LPCAT2: variants seen among roughly 807,000 people sequenced by gnomAD.
LPCAT2 encodes lysophosphatidylcholine acyltransferase 2.
In LPCAT2, 58 loss-of-function variants were observed where a neutral mutation model predicts 64.7. That is an observed-to-expected ratio of 0.90 (90% CI 0.73 to 1.12). LPCAT2 has a LOEUF of 1.12. Ranked by LOEUF, LPCAT2 falls within the 50% of genes most tolerant of loss-of-function variation. LPCAT2 has a pLI of 0.00. For missense variants in LPCAT2, 579 were observed against 669.8 expected, an observed-to-expected ratio of 0.86 and a Z score of 1.50; for synonymous variants, 252 against 245.3, an observed-to-expected ratio of 1.03 and a Z score of -0.26.
chr16:55,563,971 T>C (rs1486988806), intron 11 of LPCAT2, among the ~76,000 whole-genome samples: 2 of 151,768 alleles, frequency 1.3e-5, no homozygotes, highest in Non-Finnish European at 3.0e-5. Flanking sequence ...CCCTCACACA[T>C]ACAAAACACA....
intron 11 of LPCAT2, among the ~76,000 whole-genome samples, chr16:55,556,499 C>G (rs369837561): frequency 6.6e-6 from 1 of 152,124 alleles, no homozygotes; most frequent in Non-Finnish European, 1.5e-5. Context: ...ACACCAGGGC[C>G]GGGCGCGGTG....
chr16:55,515,645 A>G (rs1963000175), intron 1 of LPCAT2, among the ~76,000 whole-genome samples: 1 of 152,234 alleles, frequency 6.6e-6, no homozygotes, highest in South Asian at 2.1e-4. Context: ...CATCTACATA[A>G]AGCAATAATT....
Position 55,574,624 on chromosome 16 carries a change from T to C in LPCAT2, c.1216-7T>C. 6.2e-7 allele frequency: 1 copy of C among 1,603,788 alleles called. No individual in the cohort carries two copies. The highest frequency in any genetic ancestry group is 8.5e-7 in the Non-Finnish European group (1 of 1,170,824). ...CCTCCTAATTGATTTATCCCATCCT[T>C]TCACAGAACCATGATGGCAGCATTG... On this transcript the variant is annotated splice_polypyrimidine_tract_variant and splice_region_variant and intron_variant, in intron 11 of 13. Coordinates refer to ENST00000262134, the MANE Select transcript of LPCAT2 (RefSeq NM_017839.5).
At chr16:55,564,199 G>A (rs1265204612) in intron 11 of LPCAT2, among the ~76,000 whole-genome samples, 1 of 151,902 alleles carries the variant, frequency 6.6e-6, no homozygotes, top group Admixed American at 6.6e-5. Context: ...GAAAGAAATT[G>A]AAGAAGAGAC....
chr16:55,535,360 T>C (rs533578410), intron 7 of LPCAT2, among the ~76,000 whole-genome samples: 1 of 152,318 alleles, frequency 6.6e-6, no homozygotes, highest in African/African-American at 2.4e-5. Flanking sequence ...AACTGCATAA[T>C]TTCTCCATTT....
chr16:55,516,279 A>AT (rs34800166), intron 1 of LPCAT2, among the ~76,000 whole-genome samples: 53,518 of 151,780 alleles, frequency 0.35, 11,368 homozygotes, highest in Non-Finnish European at 0.47. Flanking sequence ...AAATTTTTGT[A>AT]TTTTTTATAG....
At chr16:55,579,548 C>A (rs1308517766) in intron 13 of LPCAT2, among the ~76,000 whole-genome samples, 1 of 152,104 alleles carries the variant, frequency 6.6e-6, no homozygotes, top group Non-Finnish European at 1.5e-5. Context: ...CTTTAAGTAA[C>A]TTATCTAAGA....
intron 10 of LPCAT2, among the ~76,000 whole-genome samples, chr16:55,549,803 C>A (rs1262532020): frequency 6.6e-6 from 1 of 152,126 alleles, no homozygotes; most frequent in Admixed American, 6.5e-5. Flanking sequence ...CAATTCTTAC[C>A]ACCACTGAAC....
At chr16:55,560,644 C>T (rs1387812341) in intron 11 of LPCAT2, among the ~76,000 whole-genome samples, 3 of 152,048 alleles carry the variant, frequency 2.0e-5, no homozygotes, top group African/African-American at 4.8e-5. Flanking sequence ...GCTAAACAGA[C>T]CTTTGGGTAT....
chr16:55,532,797 C>T lies in LPCAT2; in HGVS notation c.704-27C>T, dbSNP rs771718176. 9 of 1,564,660 alleles carry T rather than the reference C, an allele frequency of 5.8e-6. No homozygotes were observed. In the Admixed American group the frequency reaches 1.5e-4, roughly 26 times the overall value. ...TAAAACTTTTATTCACATAAAAACA[C>T]ATTATAAACTTTCAATGTGGTTGCA... On this transcript the variant is annotated intron_variant, in intron 5 of 13. Transcript: ENST00000262134.
Position 55,579,030 on chromosome 16 carries a change from T to C in LPCAT2, c.1315-79T>C, listed in dbSNP as rs1424241102. The C allele has an allele frequency of 2.2e-6, 3 of 1,363,264 alleles. No individual in the cohort carries two copies. In the African/African-American group the frequency reaches 4.4e-5, roughly 20 times the overall value. 84.4% of individuals were successfully genotyped at this position (1,363,264 alleles called of 1,614,324 possible). A position where few individuals can be genotyped will look rare whatever the true frequency, so the allele number is the denominator to read the frequency against. ...CTTGCCACAGTAGATGTTTGAATTA[T>C]TAAAGACTTTATTTTCCAAGATTAT... On this transcript the variant is annotated intron_variant, in intron 12 of 13. Coordinates refer to ENST00000262134, the MANE Select transcript of LPCAT2 (RefSeq NM_017839.5).
Position 55,528,441 on chromosome 16 carries a change from G to T in LPCAT2, c.376G>T (p.Val126Phe). The change falls in exon 3 of 14, where the codon GTT becomes TTT. Residue 126 changes from valine (V) to phenylalanine (F), a missense_variant. Val to Phe is a conservative substitution (Grantham distance 50). Transcript: ENST00000262134. ...TATGTTCTTTTCAATGGGATTTATA[G>T]TTGCTGTAAAAGGAAAGATTGCAAG... ...RAMFFSMGFI[V>F]AVKGKIASPL... 1 of 1,614,016 alleles carries T rather than the reference G, an allele frequency of 6.2e-7. No individual in the cohort carries two copies. The highest frequency in any genetic ancestry group is 8.5e-7 in the Non-Finnish European group (1 of 1,179,964).
At chr16:55,574,220 C>G (rs1231926568) in intron 11 of LPCAT2, among the ~76,000 whole-genome samples, 3 of 152,100 alleles carry the variant, frequency 2.0e-5, no homozygotes, top group Non-Finnish European at 2.9e-5. Context: ...TGCTTAGTAA[C>G]CCCTTAGGAC....
At chr16:55,525,450 G>T (rs1963155860) in intron 1 of LPCAT2, 58 bp from the exon 2 acceptor site, 1 of 1,495,020 alleles carries the variant, frequency 6.7e-7, no homozygotes, top group Admixed American at 1.8e-5. Flanking sequence ...GTTTCTGTTT[G>T]ATAGCCATGA....
intron 1 of LPCAT2, among the ~76,000 whole-genome samples, chr16:55,519,748 CAT>C (rs1377320427): frequency 6.6e-6 from 1 of 151,938 alleles, no homozygotes; most frequent in Non-Finnish European, 1.5e-5. Flanking sequence ...AGGGGTAAAA[CAT>C]AACAATACTG....
intron 11 of LPCAT2, among the ~76,000 whole-genome samples, chr16:55,557,802 G>T (rs1262287692): frequency 3.9e-5 from 6 of 151,982 alleles, no homozygotes; most frequent in Non-Finnish European, 8.8e-5. Context: ...CTGCATTCTT[G>T]GTTCGTCTAC....
rs1293489731 is a variant in LPCAT2, at chr16:55,559,468, A to G, written c.1215+8366A>G. Among the ~76,000 whole-genome samples the G allele has an allele frequency of 2.0e-5, 3 of 152,156 alleles. No individual in the cohort carries two copies. The East Asian group carries it at 5.8e-4, about 29-fold the overall frequency. Reference sequence around the variant, plus strand: ...TGTTCTTGTTCTTGGTATTAGTTCAAGTGTTAAATCTTGAGTGCCAATAAT... The same window carrying G: ...TGTTCTTGTTCTTGGTATTAGTTCAGGTGTTAAATCTTGAGTGCCAATAAT... On this transcript the variant is annotated intron_variant, in intron 11 of 13. Transcript: ENST00000262134.
chr16:55,551,313 A>G (rs1963515011), intron 11 of LPCAT2: 1 of 165,780 alleles, frequency 6.0e-6, no homozygotes, highest in Non-Finnish European at 1.2e-5. Context: ...ACTGTCATAT[A>G]TAATAAAATA....
At chr16:55,526,306 A>T (rs867501299) in intron 2 of LPCAT2, among the ~76,000 whole-genome samples, 1 of 152,112 alleles carries the variant, frequency 6.6e-6, no homozygotes, top group Non-Finnish European at 1.5e-5. Context: ...ACAGAACCAA[A>T]TTGTTGTGAT....
Sources: gnomAD v4.1 joint callset for allele counts (sites outside exome capture counted in the v4.1 genomes callset) on GRCh38, gnomAD v4.1.1 for gene constraint, MANE v1.5 for transcripts, NCBI Gene and HGNC (gene_info 2026-07-23, HGNC 2026-07-21) for gene names.